ADGRL3: variants seen among roughly 807,000 people sequenced by gnomAD.
ADGRL3 encodes calcium-independent alpha-latrotoxin receptor 3.
A neutral mutation model predicts 153.5 loss-of-function variants in ADGRL3; 62 were observed. The ratio of observed to expected loss-of-function variants is 0.40; its 90% CI spans 0.33 to 0.50. The LOEUF is 0.50. Among genes scored for constraint, ADGRL3 ranks in the 20% least tolerant of loss-of-function variants. The pLI is 0.47. For missense variants in ADGRL3, 1,641 were observed against 1,859.4 expected (o/e 0.88, Z 2.16); for synonymous variants, 710 against 672.5 (o/e 1.06, Z -0.86).
At chr4:61,907,308 G>A (rs1303827037) in intron 11 of ADGRL3, among the ~76,000 whole-genome samples, 1 of 151,972 alleles carries the variant, frequency 6.6e-6, no homozygotes, top group Non-Finnish European at 1.5e-5. Flanking sequence ...ACCCAGGCTG[G>A]AGTGCAGTGG....
chr4:61,896,065 A>C (rs2098629628), intron 11 of ADGRL3, among the ~76,000 whole-genome samples: 1 of 152,120 alleles, frequency 6.6e-6, no homozygotes, highest in Non-Finnish European at 1.5e-5. Context: ...TTATTAATAA[A>C]ATTTCTCTGG....
intron 17 of ADGRL3, among the ~76,000 whole-genome samples, chr4:61,954,806 G>T (rs2098960238): frequency 6.6e-6 from 1 of 152,078 alleles, no homozygotes. Flanking sequence ...ACTCAATGAG[G>T]CTTTCCTTGT....
rs753199902 is a variant in ADGRL3, at chr4:61,733,537, C to G, written c.1382C>G (p.Pro461Arg). The G allele has an allele frequency of 6.2e-7, 1 of 1,611,956 alleles. No homozygotes were observed. The highest frequency in any genetic ancestry group is 1.7e-5 in the Admixed American group (1 of 59,810). ...HVVKYSLDFG[P>R]LDSRSGQAHH... ...GTGAAATATTCTTTGGATTTTGGAC[C>G]TCTGGATAGTAGATCAGGTAAGTTC... is the stretch of plus-strand genomic sequence containing the variant. Residue 461 changes from proline (P) to arginine (R), a missense_variant, in exon 8 of 27, where the codon CCT becomes CGT. Physicochemically the swap from Pro to Arg is moderately radical, Grantham distance 103. Transcript: ENST00000683033.
intron 2 of ADGRL3, among the ~76,000 whole-genome samples, chr4:61,452,742 T>C (rs1360779555): frequency 6.6e-6 from 1 of 152,184 alleles, no homozygotes; most frequent in Non-Finnish European, 1.5e-5. Context: ...ATTTGGAGCA[T>C]TTGTGATATA....
chr4:61,755,775 C>A (rs1287622069), intron 8 of ADGRL3, among the ~76,000 whole-genome samples: 1 of 152,090 alleles, frequency 6.6e-6, no homozygotes, highest in Non-Finnish European at 1.5e-5. Context: ...AGTCTTTAAT[C>A]CATCTTGAAT....
intron 8 of ADGRL3, among the ~76,000 whole-genome samples, chr4:61,780,324 A>G (rs2097200004): frequency 6.6e-6 from 1 of 152,234 alleles, no homozygotes; most frequent in African/African-American, 2.4e-5. Flanking sequence ...GCTGTAATCA[A>G]TTAACACAGT....
chr4:61,654,119 T>C (rs969883128), intron 5 of ADGRL3, among the ~76,000 whole-genome samples: 3 of 152,230 alleles, frequency 2.0e-5, no homozygotes, highest in Non-Finnish European at 2.9e-5. Flanking sequence ...AGGATTATAC[T>C]AACTGCAATT....
intron 4 of ADGRL3, among the ~76,000 whole-genome samples, chr4:61,528,620 G>A (rs1459095356): frequency 6.6e-6 from 1 of 152,142 alleles, no homozygotes; most frequent in Non-Finnish European, 1.5e-5. Flanking sequence ...AAGGCTAAGA[G>A]ACCAAGGTGC....
intron 2 of ADGRL3, among the ~76,000 whole-genome samples, chr4:61,478,996 A>G (rs1161484905): frequency 6.6e-6 from 1 of 152,046 alleles, no homozygotes; most frequent in Admixed American, 6.6e-5. Flanking sequence ...ATCTTTGTCC[A>G]ATTGATAGGC....
intron 9 of ADGRL3, among the ~76,000 whole-genome samples, chr4:61,867,443 C>G (rs13129932): frequency 6.9e-6 from 1 of 145,708 alleles, no homozygotes; most frequent in Non-Finnish European, 1.5e-5. Flanking sequence ...GAGGTTGCAG[C>G]GCACCGAGAT....
At chr4:62,056,277 A>G (rs1736936388) in intron 25 of ADGRL3, among the ~76,000 whole-genome samples, 1 of 151,774 alleles carries the variant, frequency 6.6e-6, no homozygotes, top group Non-Finnish European at 1.5e-5. Context: ...TATAAATATA[A>G]TATATATTTG....
chr4:61,869,995 A>AGAGAGAGAGG (rs2098433979), intron 9 of ADGRL3, among the ~76,000 whole-genome samples: 1 of 130,402 alleles, frequency 7.7e-6, no homozygotes, highest in African/African-American at 2.8e-5. Flanking sequence ...AGAGAGGGAG[A>AGAGAGAGAGG]GAGAGAGAGA....
chr4:61,381,399 G>T (rs908176943), intron 1 of ADGRL3, among the ~76,000 whole-genome samples: 7 of 150,558 alleles, frequency 4.6e-5, no homozygotes, highest in Non-Finnish European at 1.0e-4. Flanking sequence ...TAGGTGTTTG[G>T]TTCCTTAGAG....
At chr4:61,552,998 C>A (rs1339561134) in intron 4 of ADGRL3, among the ~76,000 whole-genome samples, 1 of 152,126 alleles carries the variant, frequency 6.6e-6, no homozygotes, top group Non-Finnish European at 1.5e-5. Flanking sequence ...TATCAATCTC[C>A]ACCTAGTAGT....
intron 8 of ADGRL3, among the ~76,000 whole-genome samples, chr4:61,760,608 G>A (rs2096900297): frequency 1.3e-5 from 2 of 152,212 alleles, no homozygotes; most frequent in South Asian, 2.1e-4. Flanking sequence ...CACTTCCTGA[G>A]TGAGGCGATG....
chr4:61,967,601 C>T (rs1248927085), intron 17 of ADGRL3, among the ~76,000 whole-genome samples: 1 of 152,090 alleles, frequency 6.6e-6, no homozygotes, highest in Non-Finnish European at 1.5e-5. Flanking sequence ...GCAAAAATAC[C>T]CATCCACTTT....
At chr4:61,820,389 C>A (rs1420510839) in intron 9 of ADGRL3, among the ~76,000 whole-genome samples, 1 of 152,074 alleles carries the variant, frequency 6.6e-6, no homozygotes, top group Non-Finnish European at 1.5e-5. Context: ...TTTACTAGTG[C>A]ATTAAAATCA....
intron 8 of ADGRL3, among the ~76,000 whole-genome samples, chr4:61,746,886 A>G (rs1426991035): frequency 6.6e-6 from 1 of 151,470 alleles, no homozygotes; most frequent in Non-Finnish European, 1.5e-5. Context: ...ATAGAGACAC[A>G]AAAAACCCTT....
chr4:61,734,840 A>G (rs1302874330), intron 8 of ADGRL3, among the ~76,000 whole-genome samples: 1 of 152,000 alleles, frequency 6.6e-6, no homozygotes, highest in East Asian at 1.9e-4. Flanking sequence ...CAAGAAATTG[A>G]CTCTCCTTTG....
Sources: allele counts gnomAD v4.1 joint callset (sites outside exome capture counted in the v4.1 genomes callset), GRCh38; gene constraint gnomAD v4.1.1; transcripts MANE v1.5; gene names NCBI Gene and HGNC (gene_info 2026-07-23, HGNC 2026-07-21).